The following UEVLD variants were observed in gnomAD, a reference collection of about 807,000 sequenced individuals.
The protein encoded by UEVLD is UEV and lactate/malate dehyrogenase domains.
A neutral mutation model predicts 58.6 loss-of-function variants in UEVLD; 47 were observed. That is an observed-to-expected ratio of 0.80 (90% CI 0.63 to 1.02). The LOEUF is 1.02. Ranked by LOEUF, UEVLD falls within the 50% of genes least tolerant of loss-of-function variation. The pLI is 0.00. For synonymous variants in UEVLD, 197 were observed against 195.3 expected, an observed-to-expected ratio of 1.01 and a Z score of -0.07; for missense variants, 510 against 550.6, an observed-to-expected ratio of 0.93 and a Z score of 0.74.
rs1279802087 is a variant in UEVLD, at chr11:18,531,599, T to G, written c.*721A>C. On this transcript the variant is annotated 3_prime_UTR_variant, in exon 12 of 12. Transcript: ENST00000396197. ...ATTTCCACTAAAAATATATATTTGC[T>G]TATGGTTCCACTAATATCACAATTA... The G allele has an allele frequency of 6.6e-6, 1 of 152,226 alleles. No homozygotes were observed. The highest frequency in any genetic ancestry group is 1.5e-5 in the Non-Finnish European group (1 of 68,034). The allele number at this position is 152,226 out of a possible 1,614,324, so 9.4% of individuals were successfully genotyped here.
intron 6 of UEVLD, among the ~76,000 whole-genome samples, chr11:18,562,859 C>T (rs1212894720): frequency 1.3e-5 from 2 of 151,732 alleles, no homozygotes; most frequent in African/African-American, 4.8e-5. Flanking sequence ...CCAATCTAGG[C>T]AACACAGGGA....
At chr11:18,587,943 G>C (rs2134087554) in intron 1 of UEVLD, 1 of 152,378 alleles carries the variant, frequency 6.6e-6, no homozygotes, top group African/African-American at 2.4e-5. Context: ...ATATAGGTCA[G>C]ATTTCTAGGT....
intron 6 of UEVLD, among the ~76,000 whole-genome samples, chr11:18,561,601 G>A (rs1440657717): frequency 6.6e-6 from 1 of 152,166 alleles, no homozygotes; most frequent in Non-Finnish European, 1.5e-5. Flanking sequence ...CAACACTTTG[G>A]GAGGCCGAGG....
intron 1 of UEVLD, 136 bp downstream of exon 1, chr11:18,588,477 C>G: frequency 4.8e-6 from 5 of 1,037,850 alleles, no homozygotes; most frequent in Non-Finnish European, 6.8e-6. Flanking sequence ...GCCCCATAGC[C>G]GGTTTCAGAC....
intron 2 of UEVLD, among the ~76,000 whole-genome samples, chr11:18,577,391 A>C (rs1422928178): frequency 1.3e-5 from 2 of 152,244 alleles, no homozygotes; most frequent in African/African-American, 4.8e-5. Context: ...CATTATTCTC[A>C]ACCTCTTTTC....
At chr11:18,533,098 G>C (rs1340280752) in intron 11 of UEVLD, among the ~76,000 whole-genome samples, 2 of 122,124 alleles carry the variant, frequency 1.6e-5, no homozygotes, top group Admixed American at 9.3e-5. Context: ...TCTCTATATT[G>C]CCCAAGCTGA....
At chr11:18,560,762 G>T (rs2134010939) in intron 6 of UEVLD, among the ~76,000 whole-genome samples, 1 of 152,274 alleles carries the variant, frequency 6.6e-6, no homozygotes, top group East Asian at 1.9e-4. Context: ...TGTAATCTGA[G>T]CACTTTGGGA....
intron 6 of UEVLD, among the ~76,000 whole-genome samples, chr11:18,561,226 C>A (rs747609819): frequency 6.6e-6 from 1 of 152,190 alleles, no homozygotes; most frequent in African/African-American, 2.4e-5. Flanking sequence ...ACTTGGGTAA[C>A]CGCCCTATGC....
At chr11:18,565,556 C>T (rs1057080365) in intron 5 of UEVLD, among the ~76,000 whole-genome samples, 3 of 152,190 alleles carry the variant, frequency 2.0e-5, no homozygotes, top group Non-Finnish European at 2.9e-5. Context: ...TGGCCAGGCC[C>T]GGTGGCTCAT....
At chr11:18,546,016 A>G (rs780794334) in intron 8 of UEVLD, among the ~76,000 whole-genome samples, 27 of 152,302 alleles carry the variant, frequency 1.8e-4, no homozygotes, top group Non-Finnish European at 3.4e-4. Flanking sequence ...AAAGAGATCA[A>G]TGTCCCTCAA....
At chr11:18,575,770 C>T (rs1852874260) in intron 2 of UEVLD, among the ~76,000 whole-genome samples, 1 of 152,152 alleles carries the variant, frequency 6.6e-6, no homozygotes, top group African/African-American at 2.4e-5. Flanking sequence ...ACAAAGTTGT[C>T]ATAAGGATCA....
chr11:18,532,791 A>G (rs1042268087), intron 11 of UEVLD, among the ~76,000 whole-genome samples: 1 of 152,148 alleles, frequency 6.6e-6, no homozygotes, highest in Non-Finnish European at 1.5e-5. Context: ...GGGGGCTAAG[A>G]AAAAAGATAG....
chr11:18,588,601 G>A lies in UEVLD; in HGVS notation c.42+12C>T. The A allele has an allele frequency of 1.9e-6, 3 of 1,609,680 alleles. No individual in the cohort carries two copies. Among genetic ancestry groups the A allele is most frequent in the Non-Finnish European group, 2.5e-6 (3 of 1,179,680 alleles). On this transcript the variant is annotated intron_variant, in intron 1 of 11. Transcript: ENST00000396197. ...CCTGAGGACCCAAACTGGCCCAGCG[G>A]ACTGCCCGCACCTTGCCAAGCAGCC... is the stretch of plus-strand genomic sequence containing the variant.
rs1850703701 is a variant in UEVLD at position 18,534,427 on chromosome 11, C to A, written c.1151G>T (p.Gly384Val). 3 of 1,574,926 alleles carry A rather than the reference C, an allele frequency of 1.9e-6. No homozygotes were observed. Among genetic ancestry groups the A allele is most frequent in the Non-Finnish European group, 2.6e-6 (3 of 1,168,318 alleles). Residue 384 changes from glycine to valine, a missense_variant, in exon 11 of 12, where the codon GGT (glycine) becomes GTT (valine). By Grantham distance (109) the Gly-to-Val change is moderately radical. Coordinates refer to ENST00000396197, the MANE Select transcript of UEVLD (RefSeq NM_001040697.4). ...TAGTCCAACAGACCAGGATCTTTGA[C>A]CTTTTACTCTTAGCAGTTCCATGGC... ...NRAMELLRVK[G>V]QRSWSVGLSV...
At chr11:18,533,527 A>C (rs2133949183) in intron 11 of UEVLD, among the ~76,000 whole-genome samples, 1 of 152,232 alleles carries the variant, frequency 6.6e-6, no homozygotes, top group African/African-American at 2.4e-5. Context: ...GGGTTACATG[A>C]GTAAGAATAT....
chr11:18,581,494 G>A (rs557922931), intron 1 of UEVLD, among the ~76,000 whole-genome samples: 1 of 152,082 alleles, frequency 6.6e-6, no homozygotes, highest in East Asian at 1.9e-4. Flanking sequence ...GAACAGACAG[G>A]CCAACATGGT....
rs78880830 is a variant in UEVLD, at chr11:18,548,754, A to G, written c.716-1704T>C. Among the ~76,000 whole-genome samples, 1,046 of 152,338 alleles carry G rather than the reference A, an allele frequency of 6.9e-3. 6 individuals are homozygous for G. The highest frequency in any genetic ancestry group is 0.024 in the African/African-American group (991 of 41,584). On this transcript the variant is annotated intron_variant, in intron 7 of 11. Coordinates refer to ENST00000396197, the MANE Select transcript of UEVLD (RefSeq NM_001040697.4). ...GCCATCTTTCTAAACAAGTTTCAGAAGGAAACACTTGTGCAATGTGTCCAC... is the reference window on the plus strand; with the variant it reads ...GCCATCTTTCTAAACAAGTTTCAGAGGGAAACACTTGTGCAATGTGTCCAC...
Position 18,588,628 on chromosome 11 carries a change from T to C in UEVLD, c.27A>G (p.Arg9=). Residue 9 remains arginine, a synonymous_variant, in exon 1 of 12, where the codon AGA becomes AGG. Coordinates refer to ENST00000396197, the MANE Select transcript of UEVLD (RefSeq NM_001040697.4). The stretch of plus-strand genomic sequence containing the variant: ...CTGCCCGCACCTTGCCAAGCAGCCG[T>C]CTCAGGCCCTCGCAGTCGAACTCCA... The part of the protein sequence containing the change: MEFDCEGL[R]RLLGKYKFRD... 1 of 1,610,194 alleles carries C rather than the reference T, an allele frequency of 6.2e-7. No homozygotes were observed. The highest frequency in any genetic ancestry group is 8.5e-7 in the Non-Finnish European group (1 of 1,179,844).
intron 1 of UEVLD, among the ~76,000 whole-genome samples, chr11:18,581,009 A>G (rs1853209127): frequency 6.6e-6 from 1 of 152,188 alleles, no homozygotes; most frequent in Non-Finnish European, 1.5e-5. Context: ...ATAAAAATAC[A>G]AAATTAGCCG....
Sources: gnomAD v4.1 joint callset for allele counts (sites outside exome capture counted in the v4.1 genomes callset) on GRCh38, gnomAD v4.1.1 for gene constraint, MANE v1.5 for transcripts, NCBI Gene and HGNC (gene_info 2026-07-23, HGNC 2026-07-21) for gene names.